UMODL1: variants seen among roughly 807,000 people sequenced by gnomAD.
UMODL1 encodes uromodulin-like 1.
A neutral mutation model predicts 136.3 loss-of-function variants in UMODL1; 128 were observed. The observed-to-expected ratio is 0.94, with a 90% CI of 0.81 to 1.09. The LOEUF (loss-of-function observed/expected upper bound fraction) is 1.09. UMODL1 is among the 50% of genes least tolerant of loss of function. The pLI, the probability that UMODL1 is intolerant of heterozygous loss-of-function variation, is 0.00. For synonymous variants in UMODL1, 721 were observed against 720.0 expected (o/e 1.00, Z -0.02); for missense variants, 1,766 against 1,725.6 (o/e 1.02, Z -0.41).
In UMODL1 at chr21:42,127,109, G is replaced by C. The variant is rs766708190; in HGVS notation, c.3397G>C (p.Ala1133Pro). ...CATACCTCAGAATTATAGCGTGTCT[G>C]CCAGTGACGATGTCAGGATCGAAGT... ...SPIPQNYSVS[A>P]SDDVRIEVGL... Residue 1133 changes from alanine (A) to proline (P), a missense_variant, in exon 19 of 23, where the codon GCC (alanine) becomes CCC (proline). Coordinates refer to ENST00000408910, the MANE Select transcript of UMODL1 (RefSeq NM_001004416.3). 1 of 1,614,092 alleles carries C rather than the reference G, an allele frequency of 6.2e-7. No homozygotes were observed. The highest frequency in any genetic ancestry group is 1.7e-5 in the Admixed American group (1 of 60,006).
Position 42,087,315 on chromosome 21 carries a change from T to C in UMODL1, c.604-979T>C, listed in dbSNP as rs1488945415. ...GTTCCCAGTTCTGTATGCTAAATTA[T>C]GAGCTGCATCTCCTCCCAGGAAGGG... On this transcript the variant is annotated intron_variant, in intron 4 of 22. Transcript: ENST00000408910. Among the ~76,000 whole-genome samples, 4 of 152,310 alleles carry C rather than the reference T, an allele frequency of 2.6e-5. No homozygotes were observed. The East Asian group carries it at 5.8e-4, about 22-fold the overall frequency.
chr21:42,063,927 C>T (rs2066162215), intron 1 of UMODL1, among the ~76,000 whole-genome samples: 1 of 152,174 alleles, frequency 6.6e-6, no homozygotes, highest in Admixed American at 6.5e-5. Flanking sequence ...CCTGCGGCCC[C>T]CCAGTTTCAG....
At chr21:42,134,902 G>C (rs1050922089) in intron 21 of UMODL1, among the ~76,000 whole-genome samples, 2 of 152,072 alleles carry the variant, frequency 1.3e-5, no homozygotes, top group East Asian at 1.9e-4. Flanking sequence ...GGGATTATAG[G>C]CGTGAGCCAC....
chr21:42,130,221 C>CGTGT (rs112746788), intron 21 of UMODL1, among the ~76,000 whole-genome samples: 26,285 of 150,312 alleles, frequency 0.17, 2,336 homozygotes, highest in Middle Eastern at 0.22. Flanking sequence ...GCCATGTCAA[C>CGTGT]GTGTGTGTGT....
chr21:42,126,194 T>C (rs1430681742), intron 17 of UMODL1, 151 bp from the exon 18 acceptor site: 1 of 1,196,340 alleles, frequency 8.4e-7, no homozygotes, highest in East Asian at 2.5e-5. Context: ...AGGCAGTTTA[T>C]GGTTGGGAGA....
chr21:42,095,321 C>T (rs2066544633), intron 6 of UMODL1, among the ~76,000 whole-genome samples: 1 of 152,028 alleles, frequency 6.6e-6, no homozygotes, highest in African/African-American at 2.4e-5. Flanking sequence ...TTTCAAACTC[C>T]TGGGCTCAAG....
intron 2 of UMODL1, among the ~76,000 whole-genome samples, chr21:42,076,601 G>T (rs1032082839): frequency 1.3e-5 from 2 of 152,194 alleles, no homozygotes; most frequent in Non-Finnish European, 1.5e-5. Context: ...GAGTGTGAGG[G>T]AATTGGCCCG....
intron 3 of UMODL1, among the ~76,000 whole-genome samples, chr21:42,084,705 T>C (rs2146439520): frequency 6.6e-6 from 1 of 151,778 alleles, no homozygotes; most frequent in African/African-American, 2.4e-5. Flanking sequence ...AATGGGAGAA[T>C]GGGATGGCCT....
In UMODL1 at chr21:42,111,675, C is replaced by T. The variant is rs777131828; in HGVS notation, c.2069C>T (p.Thr690Ile). The T allele has an allele frequency of 2.5e-6, 4 of 1,613,758 alleles. No individual in the cohort carries two copies. Among genetic ancestry groups the T allele is most frequent in the Non-Finnish European group, 3.4e-6 (4 of 1,179,804 alleles). ...GPSGSVDLPL[T>I]STLTALKTPA... Reference sequence around the variant, plus strand: ...TCCGGTTCTGTAGACCTGCCATTGACCTCCACCCTCACAGCTCTGAAGACC... The same window carrying T: ...TCCGGTTCTGTAGACCTGCCATTGATCTCCACCCTCACAGCTCTGAAGACC... Residue 690 changes from threonine to isoleucine, a missense_variant, in exon 12 of 23, where the codon ACC becomes ATC. By Grantham distance (89) the Thr-to-Ile change is moderately conservative. Coordinates refer to ENST00000408910, the MANE Select transcript of UMODL1 (RefSeq NM_001004416.3).
At chr21:42,076,486 A>G (rs1286481623) in intron 2 of UMODL1, among the ~76,000 whole-genome samples, 1 of 152,166 alleles carries the variant, frequency 6.6e-6, no homozygotes, top group African/African-American at 2.4e-5. Context: ...TTCCTGGGTG[A>G]CGCTGACGCT....
chr21:42,076,246 G>A lies in UMODL1; in HGVS notation c.318G>A (p.Leu106=), dbSNP rs759877818. ...GYEQLGLYCV[L]PLNQSGQFTS... is the part of the protein sequence containing the mutation. ...AACAGCTCGGCCTCTACTGTGTCTTGCGTGAGTCCAGGGCTGCTGGGCTGG... is the reference window on the plus strand; with the variant it reads ...AACAGCTCGGCCTCTACTGTGTCTTACGTGAGTCCAGGGCTGCTGGGCTGG... Residue 106 remains leucine, a splice_region_variant and synonymous_variant, in exon 2 of 23, where the codon TTG becomes TTA. Coordinates refer to ENST00000408910, the MANE Select transcript of UMODL1 (RefSeq NM_001004416.3). 32 of 1,614,102 alleles carry A rather than the reference G, an allele frequency of 2.0e-5. No homozygotes were observed. Among genetic ancestry groups the A allele is most frequent in the Non-Finnish European group, 2.4e-5 (28 of 1,179,944 alleles).
chr21:42,091,644 C>A (rs553256645), intron 6 of UMODL1, among the ~76,000 whole-genome samples: 1 of 152,196 alleles, frequency 6.6e-6, no homozygotes, highest in Non-Finnish European at 1.5e-5. Flanking sequence ...GGAAAGAAGA[C>A]GGAATCCAGA....
chr21:42,127,337 A>C, intron 19 of UMODL1, 95 bp downstream of exon 19: 1 of 1,184,674 alleles, frequency 8.4e-7, no homozygotes, highest in Non-Finnish European at 1.2e-6. Flanking sequence ...CCCATCCAGC[A>C]ATGCCCAGGG....
intron 2 of UMODL1, among the ~76,000 whole-genome samples, chr21:42,080,006 A>T (rs915364098): frequency 2.0e-5 from 3 of 151,544 alleles, no homozygotes; most frequent in African/African-American, 7.3e-5. Flanking sequence ...GGCTTCTGCA[A>T]CTCCTGCCGC....
In UMODL1 at chr21:42,085,325, C is replaced by A. The variant is rs185422923; in HGVS notation, c.516C>A (p.Asn172Lys). 6.2e-7 allele frequency: 1 copy of A among 1,614,036 alleles called. No individual in the cohort carries two copies. Among genetic ancestry groups the A allele is most frequent in the South Asian group, 1.1e-5 (1 of 91,084 alleles). ...GGGACCCTGTGGGCTCCTGGTACAA[C>A]GTCACCATACTGGTGAAAATGGACT... Reference protein sequence around the residue: ...PERDPVGSWYNVTILVKMDFK... With the variant: ...PERDPVGSWYKVTILVKMDFK... The change falls in exon 4 of 23, where the codon AAC becomes AAA. Residue 172 changes from asparagine (N) to lysine (K), a missense_variant. By Grantham distance (94) the Asn-to-Lys change is moderately conservative. Coordinates refer to ENST00000408910, the MANE Select transcript of UMODL1 (RefSeq NM_001004416.3). The surrounding 1 kb of genome is among the most constrained non-coding windows in gnomAD (Gnocchi z 4.5).
intron 20 of UMODL1, among the ~76,000 whole-genome samples, chr21:42,128,770 A>T (rs977451921): frequency 6.6e-6 from 1 of 152,224 alleles, no homozygotes; most frequent in Non-Finnish European, 1.5e-5. Context: ...CTGGCTCTCA[A>T]GTTCTCTACA....
intron 22 of UMODL1, among the ~76,000 whole-genome samples, chr21:42,141,708 C>T (rs996085446): frequency 3.3e-5 from 5 of 152,200 alleles, no homozygotes; most frequent in African/African-American, 1.2e-4. Context: ...ATCAGCCAAC[C>T]CACCCACCCC....
At chr21:42,068,914 A>G (rs2146407472), upstream of UMODL1, among the ~76,000 whole-genome samples, 1 of 152,332 alleles carries the variant, frequency 6.6e-6, no homozygotes, top group African/African-American at 2.4e-5. This position sits in a 1 kb window ranked among gnomAD's most constrained non-coding sequence, Gnocchi z 5.5. Context: ...GAAAGCCAGC[A>G]TGGCACACCA....
intron 22 of UMODL1, among the ~76,000 whole-genome samples, chr21:42,141,336 C>G (rs1039584242): frequency 3.9e-5 from 6 of 152,188 alleles, no homozygotes; most frequent in Admixed American, 6.5e-5. Context: ...TCTCTCCTGC[C>G]AGGACTCCTG....
Sources: allele counts gnomAD v4.1 joint callset (sites outside exome capture counted in the v4.1 genomes callset), GRCh38; gene constraint gnomAD v4.1.1; non-coding constraint Gnocchi (gnomAD v3.1); transcripts MANE v1.5; gene names NCBI Gene and HGNC (gene_info 2026-07-23, HGNC 2026-07-21).